The following KCNJ6 variants were observed in gnomAD, a reference collection of about 807,000 sequenced individuals.
KCNJ6 encodes potassium inwardly rectifying channel subfamily J member 6.
KCNJ6 carries 9 observed loss-of-function variants against 34.2 expected under a neutral mutation model. The ratio of observed to expected loss-of-function variants is 0.26; its 90% CI spans 0.16 to 0.46. The LOEUF is 0.46. KCNJ6 is among the 20% of genes least tolerant of loss of function. The pLI, the probability that KCNJ6 is intolerant of heterozygous loss-of-function variation, is 1.00. For synonymous variants in KCNJ6, 196 were observed against 207.1 expected (o/e 0.95, Z 0.46); for missense variants, 236 against 531.3 (o/e 0.44, Z 5.46).
At chr21:37,876,930 A>C (rs1460455815) in intron 1 of KCNJ6, among the ~76,000 whole-genome samples, 1 of 152,210 alleles carries the variant, frequency 6.6e-6, no homozygotes, top group Non-Finnish European at 1.5e-5. Flanking sequence ...AAGAGTGAAG[A>C]GTCCCCTGTA....
At chr21:37,849,586 CCCTT>C (rs1490251594) in intron 1 of KCNJ6, among the ~76,000 whole-genome samples, 15 of 152,228 alleles carry the variant, frequency 9.9e-5, no homozygotes, top group Admixed American at 9.8e-4. Context: ...CTGGACCCTT[CCCTT>C]CCAGCCATGG....
chr21:37,756,121 A>G (rs749571704), intron 2 of KCNJ6, among the ~76,000 whole-genome samples: 3 of 152,172 alleles, frequency 2.0e-5, no homozygotes, highest in Non-Finnish European at 4.4e-5. Flanking sequence ...GGAGGCTGGC[A>G]CAAGGGTTGT....
chr21:37,754,395 G>A (rs1314416321), intron 2 of KCNJ6, among the ~76,000 whole-genome samples: 1 of 152,216 alleles, frequency 6.6e-6, no homozygotes, highest in Admixed American at 6.5e-5. Context: ...TCCATAGTTT[G>A]TTAGCAGAAC....
At chr21:37,642,914 T>C (rs1040902756) in intron 3 of KCNJ6, among the ~76,000 whole-genome samples, 2 of 152,142 alleles carry the variant, frequency 1.3e-5, no homozygotes, top group African/African-American at 4.8e-5. Context: ...CTCTGGTGAG[T>C]TGACAAGTCT....
At chr21:37,649,157 A>AAAC (rs755535850) in intron 3 of KCNJ6, among the ~76,000 whole-genome samples, 4,193 of 133,720 alleles carry the variant, frequency 0.031, 518 homozygotes, top group African/African-American at 0.1. Flanking sequence ...AAAAAAAAGA[A>AAAC]AGAAAAAGAA....
chr21:37,862,401 A>G (rs552635862), intron 1 of KCNJ6, among the ~76,000 whole-genome samples: 1 of 152,384 alleles, frequency 6.6e-6, no homozygotes, highest in East Asian at 1.9e-4. Flanking sequence ...GCATGCATGT[A>G]TACACATTGT....
rs1223497365 is a variant in KCNJ6, at chr21:37,614,130, GAT to G, written c.*11027_*11028del. On this transcript the variant is annotated 3_prime_UTR_variant, in exon 4 of 4. Coordinates refer to ENST00000609713, the MANE Select transcript of KCNJ6 (RefSeq NM_002240.5). ...GGAAGCTATTTCCGACCAGTGAAAT[GAT>G]ATACCCAGGACGACATTGCTCATCT... 2.0e-5 allele frequency: 3 copies of G among 152,304 alleles called. No homozygotes were observed. The highest frequency in any genetic ancestry group is 7.2e-5 in the African/African-American group (3 of 41,556). 9.4% of individuals were successfully genotyped at this position (152,304 alleles called of 1,614,324 possible). A position where few individuals can be genotyped will look rare whatever the true frequency, so the allele number is the denominator to read the frequency against.
At chr21:37,870,417 C>T (rs1184765254) in intron 1 of KCNJ6, among the ~76,000 whole-genome samples, 1 of 152,136 alleles carries the variant, frequency 6.6e-6, no homozygotes, top group Non-Finnish European at 1.5e-5. Context: ...TTGGCACAGG[C>T]CCAGCTACCT....
At chr21:37,743,545 G>A (rs1383824280) in intron 2 of KCNJ6, among the ~76,000 whole-genome samples, 2 of 152,110 alleles carry the variant, frequency 1.3e-5, no homozygotes, top group East Asian at 3.9e-4. Flanking sequence ...GCTATTGAGA[G>A]AGTGGGCTCC....
At position 37,611,949 on chromosome 21, in the gene KCNJ6, G is replaced by C. The variant is rs1474898248; in HGVS notation, c.*13210C>G. ...AAAAAAAGGTGTCCCCATCACTACT[G>C]CTTTTCAACATGATACTGGAAGTCC... On this transcript the variant is annotated 3_prime_UTR_variant, in exon 4 of 4. Coordinates refer to ENST00000609713, the MANE Select transcript of KCNJ6 (RefSeq NM_002240.5). The C allele has an allele frequency of 1.3e-5, 2 of 152,128 alleles. No individual in the cohort carries two copies. Among genetic ancestry groups the C allele is most frequent in the African/African-American group, 4.8e-5 (2 of 41,430 alleles). The allele number at this position is 152,128 out of a possible 1,614,324, so 9.4% of individuals were successfully genotyped here. A position where few individuals can be genotyped will look rare whatever the true frequency, so the allele number is the denominator to read the frequency against.
At chr21:37,778,121 T>A (rs980966554) in intron 2 of KCNJ6, among the ~76,000 whole-genome samples, 2 of 152,168 alleles carry the variant, frequency 1.3e-5, no homozygotes, top group East Asian at 3.8e-4. Context: ...GAAAAAGAAC[T>A]GTGTTTGATC....
At chr21:37,767,260 G>A (rs894889560) in intron 2 of KCNJ6, among the ~76,000 whole-genome samples, 12 of 152,152 alleles carry the variant, frequency 7.9e-5, no homozygotes, top group African/African-American at 2.2e-4. Context: ...CAGCTGCCTC[G>A]TCCTCACCTC....
At chr21:37,895,831 G>A (rs1234080467) in intron 1 of KCNJ6, among the ~76,000 whole-genome samples, 1 of 152,192 alleles carries the variant, frequency 6.6e-6, no homozygotes, top group Non-Finnish European at 1.5e-5. Context: ...AAGCCTTATT[G>A]TAAAATGTTG....
At chr21:37,871,729 G>A (rs1249950565) in intron 1 of KCNJ6, among the ~76,000 whole-genome samples, 2 of 152,244 alleles carry the variant, frequency 1.3e-5, no homozygotes, top group African/African-American at 2.4e-5. Context: ...CAGTGATGGA[G>A]AGAGGTGAGG....
At chr21:37,753,835 TCCCTA>T (rs2055009811) in intron 2 of KCNJ6, among the ~76,000 whole-genome samples, 1 of 152,186 alleles carries the variant, frequency 6.6e-6, no homozygotes, top group Non-Finnish European at 1.5e-5. Flanking sequence ...CAGGTCCCAG[TCCCTA>T]CACTCCTTGG....
rs572871962 is a variant in KCNJ6 at position 37,695,947 on chromosome 21, C to T, written c.946+18264G>A. Among the ~76,000 whole-genome samples, 1 of 152,204 alleles carries T rather than the reference C, an allele frequency of 6.6e-6. No individual in the cohort carries two copies. Among genetic ancestry groups the T allele is most frequent in the Non-Finnish European group, 1.5e-5 (1 of 68,000 alleles). Reference sequence around the variant, plus strand: ...GGCAAAGAGCCACTAGAAAGGGATCCCACTGGCCAGATCTGGGATAATGTG... The same window carrying T: ...GGCAAAGAGCCACTAGAAAGGGATCTCACTGGCCAGATCTGGGATAATGTG... On this transcript the variant is annotated intron_variant, in intron 3 of 3. Coordinates refer to ENST00000609713, the MANE Select transcript of KCNJ6 (RefSeq NM_002240.5). The surrounding 1 kb of genome is among the most constrained non-coding windows in gnomAD (Gnocchi z 4.2).
rs536666005 is a variant in KCNJ6 at position 37,907,310 on chromosome 21, A to G, written c.-28+8574T>C. ...TCATAGACACAAGGTTCGTGTAGGGACTGAGATATCATTTTTGGTTAAATG... is the reference window on the plus strand; with the variant it reads ...TCATAGACACAAGGTTCGTGTAGGGGCTGAGATATCATTTTTGGTTAAATG... On this transcript the variant is annotated intron_variant, in intron 1 of 3. Transcript: ENST00000609713. Among the ~76,000 whole-genome samples, 3 of 152,292 alleles carry G rather than the reference A, an allele frequency of 2.0e-5. No homozygotes were observed. In the East Asian group the frequency reaches 5.8e-4, roughly 29 times the overall value.
At chr21:37,639,431 G>A (rs536399999) in intron 3 of KCNJ6, among the ~76,000 whole-genome samples, 2 of 152,242 alleles carry the variant, frequency 1.3e-5, no homozygotes, top group South Asian at 2.1e-4. Context: ...AAAGTTACCT[G>A]AACTATTTTT....
At chr21:37,861,560 C>T (rs2055594968) in intron 1 of KCNJ6, among the ~76,000 whole-genome samples, 2 of 152,214 alleles carry the variant, frequency 1.3e-5, no homozygotes, top group South Asian at 4.1e-4. Flanking sequence ...TAGCCCCTAA[C>T]ATCTGGAGAA....
Sources: allele counts gnomAD v4.1 joint callset (sites outside exome capture counted in the v4.1 genomes callset), GRCh38; gene constraint gnomAD v4.1.1; non-coding constraint Gnocchi (gnomAD v3.1); transcripts MANE v1.5; gene names NCBI Gene and HGNC (gene_info 2026-07-23, HGNC 2026-07-21).